SBF1: variants seen among roughly 807,000 people sequenced by gnomAD.
SBF1 encodes myotubularin-related protein 5.
Under a neutral mutation model 215.8 loss-of-function variants are expected in SBF1, and 65 were observed. That is an observed-to-expected ratio of 0.30 (90% CI 0.25 to 0.37). SBF1 has a LOEUF of 0.37. Among genes scored for constraint, SBF1 ranks in the 10% least tolerant of loss-of-function variants. The pLI, the probability that SBF1 is intolerant of heterozygous loss-of-function variation, is 1.00. For synonymous variants in SBF1, 1,410 were observed against 1,122.8 expected (o/e 1.26, Z -5.11); for missense variants, 2,634 against 2,667.8 (o/e 0.99, Z 0.28).
At chr22:50,448,727 C>T (rs2066931406) in intron 36 of SBF1, 77 bp from the exon 37 acceptor site, 2 of 1,209,818 alleles carry the variant, frequency 1.7e-6, no homozygotes, top group African/African-American at 3.0e-5. Context: ...AAGGAAAACA[C>T]AGGAAAGAGA....
At chr22:50,466,746 G>A (rs1280806117) in intron 5 of SBF1, 36 bp from the exon 6 acceptor site, 4 of 1,406,578 alleles carry the variant, frequency 2.8e-6, no homozygotes, top group Non-Finnish European at 3.9e-6. Context: ...CAGTAGTTTG[G>A]CCAGAGCCAG....
intron 5 of SBF1, chr22:50,467,130 G>C: frequency 3.3e-6 from 2 of 599,876 alleles, no homozygotes; most frequent in Non-Finnish European, 5.9e-6. Flanking sequence ...GGAGTGGACA[G>C]AGAGGCTGAA....
rs570075472 is a variant in SBF1, at chr22:50,469,427, G to A, written c.56-966C>T. ...CCTGTTTCCAGGCCCAGTCCACACC[G>A]GTGGGGTAAAGGTCCCTGCCTGTGG... On this transcript the variant is annotated intron_variant, in intron 1 of 40. Transcript: ENST00000380817. Among the ~76,000 whole-genome samples the A allele has an allele frequency of 4.6e-5, 7 of 152,350 alleles. No individual in the cohort carries two copies. In the South Asian group the frequency reaches 6.2e-4, roughly 14 times the overall value.
At chr22:50,457,153 C>A in intron 28 of SBF1, 42 bp from the exon 29 acceptor site, 1 of 1,421,084 alleles carries the variant, frequency 7.0e-7, no homozygotes, top group South Asian at 1.5e-5. Flanking sequence ...TAGCCCCAGG[C>A]CTGGGCGTGC....
chr22:50,474,028 T>C (rs944131303), intron 1 of SBF1, among the ~76,000 whole-genome samples: 126 of 152,174 alleles, frequency 8.3e-4, no homozygotes, highest in Non-Finnish European at 1.9e-4. Flanking sequence ...GTTGCTGATG[T>C]CATCGTCAGG....
In SBF1 at chr22:50,461,621, C is replaced by T. The variant is rs1156632392; in HGVS notation, c.2741G>A (p.Gly914Glu). The change falls in exon 22 of 41, where the codon GGG becomes GAG. Residue 914 changes from glycine (G) to glutamate (E), a missense_variant. By Grantham distance (98) the Gly-to-Glu change is moderately conservative (BLOSUM62 -2). Transcript: ENST00000380817. ...CAATGCTGGTCCCCCAGCACTGCCC[C>T]CCGCGCCCTCCTCACGCCCATCCGG... ...LLPDGREEGA[G>E]GSAGGPALLP... is the part of the protein sequence containing the mutation. The T allele has an allele frequency of 1.2e-6, 2 of 1,611,522 alleles. No homozygotes were observed. The highest frequency in any genetic ancestry group is 8.5e-7 in the Non-Finnish European group (1 of 1,179,746).
intron 26 of SBF1, 136 bp downstream of exon 26, chr22:50,459,816 G>T: frequency 1.5e-6 from 2 of 1,333,346 alleles, no homozygotes; most frequent in Non-Finnish European, 2.1e-6. Context: ...CCCCAGCCCT[G>T]TGGCCCGTCC....
chr22:50,453,011 C>T (rs2067108734), intron 36 of SBF1, among the ~76,000 whole-genome samples: 1 of 151,778 alleles, frequency 6.6e-6, no homozygotes, highest in South Asian at 2.1e-4. Flanking sequence ...ATCAAAGGGA[C>T]AAAGAGAAAA....
chr22:50,456,465 A>ACCCCCCCCCCCCCCCCCC, intron 30 of SBF1, 27 bp downstream of exon 30: 1 of 748,648 alleles, frequency 1.3e-6, no homozygotes. Flanking sequence ...CCCCACCCTC[A>ACCCCCCCCCCCCCCCCCC]CCCCCCACCC....
Position 50,447,102 on chromosome 22 carries a change from T to TA in SBF1, c.*39dup. The TA allele has an allele frequency of 6.4e-7, 1 of 1,567,170 alleles. No individual in the cohort carries two copies. The highest frequency in any genetic ancestry group is 2.3e-5 in the East Asian group (1 of 43,438). ...GGCCCTGCCCACCCCTAGTGGTCGG[T>TA]AACGACCGGAAGCAGAGCAGCCGGG... On this transcript the variant is annotated 3_prime_UTR_variant, in exon 41 of 41. Coordinates refer to ENST00000380817, the MANE Select transcript of SBF1 (RefSeq NM_002972.4).
chr22:50,464,337 C>A lies in SBF1; in HGVS notation c.1741G>T (p.Ala581Ser). 1 of 1,613,440 alleles carries A rather than the reference C, an allele frequency of 6.2e-7. No individual in the cohort carries two copies. The highest frequency in any genetic ancestry group is 8.5e-7 in the Non-Finnish European group (1 of 1,179,602). Residue 581 changes from alanine to serine, a missense_variant, in exon 15 of 41, where the codon GCC (alanine) becomes TCC (serine). Transcript: ENST00000380817. Reference sequence around the variant, plus strand: ...GCCTGCACAGCCCTCACCTTCTTGGCCTCAAGCATTTTCCCCTCAAACACG... The same window carrying A: ...GCCTGCACAGCCCTCACCTTCTTGGACTCAAGCATTTTCCCCTCAAACACG... The part of the protein sequence containing the change: ...SYVFEGKMLE[A>S]KKLLPAVLRA...
chr22:50,463,987 C>T (rs1217476013), intron 15 of SBF1, among the ~76,000 whole-genome samples: 1 of 152,230 alleles, frequency 6.6e-6, no homozygotes, highest in African/African-American at 2.4e-5. Context: ...ATGGAGGGAG[C>T]AAGCTCTGTT....
rs754823068 is a variant in SBF1 at position 50,464,682 on chromosome 22, G to T, written c.1488C>A (p.Ser496Arg). ...MHKVQRPGES[S>R]HLRRVPRPFP... is the part of the protein sequence containing the mutation. ...AGGGTCGGGGCACCCGTCGCAGGTG[G>T]CTGCTCTCACCGGGCCTCTGTACCT... The change falls in exon 14 of 41, where the codon AGC (serine) becomes AGA (arginine). Residue 496 changes from serine to arginine, a missense_variant. Ser to Arg is a moderately radical substitution (Grantham distance 110). Coordinates refer to ENST00000380817, the MANE Select transcript of SBF1 (RefSeq NM_002972.4). The T allele has an allele frequency of 1.2e-6, 2 of 1,607,584 alleles. No individual in the cohort carries two copies. Among genetic ancestry groups the T allele is most frequent in the South Asian group, 1.1e-5 (1 of 90,950 alleles).
rs757901318 is a variant in SBF1 at position 50,462,551 on chromosome 22, C to T, written c.2127+8G>A. ...CCCCAGCCCCCAGCCCAGGGAGTCC[C>T]TGCGCACCTGGGCGGGGGCCAGGTC... is the stretch of plus-strand genomic sequence containing the variant. On this transcript the variant is annotated splice_region_variant and intron_variant, in intron 18 of 40. Transcript: ENST00000380817. 12 of 1,610,062 alleles carry T rather than the reference C, an allele frequency of 7.5e-6. No homozygotes were observed. The South Asian group carries it at 1.3e-4, about 18-fold the overall frequency.
Position 50,475,002 on chromosome 22 carries a change from C to T in SBF1, c.-162G>A. 1 of 229,582 alleles carries T rather than the reference C, an allele frequency of 4.4e-6. No homozygotes were observed. 14.2% of individuals were successfully genotyped at this position (229,582 alleles called of 1,614,324 possible). On this transcript the variant is annotated 5_prime_UTR_variant, in exon 1 of 41. Coordinates refer to ENST00000380817, the MANE Select transcript of SBF1 (RefSeq NM_002972.4). ...GGCGGCGGCGGCGGCGGCCCAGGTT[C>T]CCGCCGCCATCTTCCCAGCCAGCCG...
intron 9 of SBF1, 51 bp from the exon 10 acceptor site, chr22:50,465,891 C>G (rs776395677): frequency 1.2e-6 from 2 of 1,611,058 alleles, no homozygotes; most frequent in Non-Finnish European, 1.7e-6. Context: ...CGGCTCTAGG[C>G]TCCCCGTGCT....
At chr22:50,453,647 C>T (rs1433295514) in intron 36 of SBF1, among the ~76,000 whole-genome samples, 3 of 152,088 alleles carry the variant, frequency 2.0e-5, no homozygotes, top group Admixed American at 2.0e-4. Context: ...ATTAGCTGGG[C>T]GTGGTGGTGG....
At chr22:50,467,121 G>A (rs1603434210) in intron 5 of SBF1, 1 of 597,778 alleles carries the variant, frequency 1.7e-6, no homozygotes, top group South Asian at 2.0e-5. Flanking sequence ...ACCATCAAAG[G>A]AGTGGACAGA....
chr22:50,447,001 G>C lies in SBF1; in HGVS notation c.*141C>G. The C allele has an allele frequency of 1.3e-6, 1 of 780,690 alleles. No individual in the cohort carries two copies. Among genetic ancestry groups the C allele is most frequent in the Non-Finnish European group, 2.2e-6 (1 of 462,300 alleles). The allele number at this position is 780,690 out of a possible 1,614,324, so 48.4% of individuals were successfully genotyped here. The stretch of plus-strand genomic sequence containing the variant: ...GGCCGGGCGGGGCGGGGCGGGGACG[G>C]GGGCTGTACACACAAGTGCTGGGGG... On this transcript the variant is annotated 3_prime_UTR_variant, in exon 41 of 41. Transcript: ENST00000380817.
Sources: allele counts gnomAD v4.1 joint callset (sites outside exome capture counted in the v4.1 genomes callset), GRCh38; gene constraint gnomAD v4.1.1; transcripts MANE v1.5; gene names NCBI Gene and HGNC (gene_info 2026-07-23, HGNC 2026-07-21).